The following CEP164 variants were observed in gnomAD, a reference collection of about 807,000 sequenced individuals.
CEP164 encodes centrosomal protein 164.
A neutral mutation model predicts 182.7 loss-of-function variants in CEP164; 162 were observed. The ratio of observed to expected loss-of-function variants is 0.89; its 90% CI spans 0.78 to 1.01. The LOEUF is 1.01. Ranked by LOEUF, CEP164 falls within the 50% of genes least tolerant of loss-of-function variation. The pLI, the probability that CEP164 is intolerant of heterozygous loss-of-function variation, is 0.00. For synonymous variants in CEP164, 661 were observed against 690.0 expected (o/e 0.96, Z 0.66); for missense variants, 1,735 against 1,790.4 (o/e 0.97, Z 0.56).
chr11:117,395,888 A>G (rs1291999777), intron 24 of CEP164, among the ~76,000 whole-genome samples, 166 bp downstream of exon 24: 1 of 152,050 alleles, frequency 6.6e-6, no homozygotes, highest in African/African-American at 2.4e-5. Context: ...GGTTGTTAAG[A>G]TTCTGTGAAA....
chr11:117,359,356 T>G (rs1592144634), intron 5 of CEP164: 1 of 899,198 alleles, frequency 1.1e-6, no homozygotes, highest in Non-Finnish European at 1.3e-6. Flanking sequence ...GTACGGAAGG[T>G]GTTTAGCCAG....
Position 117,409,334 on chromosome 11 carries a change from C to G in CEP164, c.3749-284C>G. 1 of 578,074 alleles carries G rather than the reference C, an allele frequency of 1.7e-6. No individual in the cohort carries two copies. Among genetic ancestry groups the G allele is most frequent in the Non-Finnish European group, 3.1e-6 (1 of 326,546 alleles). The allele number at this position is 578,074 out of a possible 1,614,324, so 35.8% of individuals were successfully genotyped here. A position where few individuals can be genotyped will look rare whatever the true frequency, so the allele number is the denominator to read the frequency against. On this transcript the variant is annotated intron_variant, in intron 29 of 32. Transcript: ENST00000278935. This position sits in a 1 kb window ranked among gnomAD's most constrained non-coding sequence, Gnocchi z 4.4. ...GGCTTTTCTCTCTCAGCTGCCCTGG[C>G]CTGTATGTGACAGAAGGGCCCTCTC...
chr11:117,356,517 A>G (rs999996331), intron 5 of CEP164: 6 of 1,289,092 alleles, frequency 4.7e-6, no homozygotes, highest in Admixed American at 2.3e-5. Context: ...CAGCAAGCCC[A>G]TTTCCAGCCA....
chr11:117,355,121 C>T (rs2040164218), intron 5 of CEP164: 1 of 1,289,722 alleles, frequency 7.8e-7, no homozygotes, highest in Non-Finnish European at 1.0e-6. Flanking sequence ...GGGTGCCCTT[C>T]CCAGAAAGCT....
chr11:117,350,427 G>T (rs1364638304), intron 4 of CEP164, among the ~76,000 whole-genome samples: 1 of 151,904 alleles, frequency 6.6e-6, no homozygotes, highest in Non-Finnish European at 1.5e-5. Context: ...CTTATTTTTT[G>T]GATTTTTGAT....
At position 117,391,149 on chromosome 11, in the gene CEP164, C is replaced by G. The variant is rs1191084435; in HGVS notation, c.2217C>G (p.Ala739=). 1 of 1,613,490 alleles carries G rather than the reference C, an allele frequency of 6.2e-7. No homozygotes were observed. Among genetic ancestry groups the G allele is most frequent in the Non-Finnish European group, 8.5e-7 (1 of 1,179,930 alleles). ...IEASEKSEQA[A]LNAAKEKALQ... is the part of the protein sequence containing the mutation. Reference sequence around the variant, plus strand: ...CTTCGGAGAAGAGCGAGCAGGCTGCCCTGAATGCTGCAAAGGAGAAGGCTC... The same window carrying G: ...CTTCGGAGAAGAGCGAGCAGGCTGCGCTGAATGCTGCAAAGGAGAAGGCTC... Residue 739 remains alanine (A), a synonymous_variant, in exon 17 of 33, where the codon GCC becomes GCG. Transcript: ENST00000278935.
intron 13 of CEP164, 39 bp from the exon 14 acceptor site, chr11:117,382,757 T>A: frequency 6.2e-7 from 1 of 1,604,588 alleles, no homozygotes; most frequent in East Asian, 2.2e-5. Context: ...CTTGCTTTCT[T>A]ACTGGCTTTA....
intron 28 of CEP164, chr11:117,408,422 G>A (rs528473518): frequency 3.4e-5 from 8 of 234,230 alleles, no homozygotes; most frequent in Admixed American, 1.0e-4. Context: ...TGAGGCTTAG[G>A]TGTAGCGGGG....
chr11:117,340,945 G>A (rs1592017179), intron 3 of CEP164, among the ~76,000 whole-genome samples: 1 of 152,290 alleles, frequency 6.6e-6, no homozygotes, highest in East Asian at 1.9e-4. Flanking sequence ...TTCTGTCTCA[G>A]ACTCCCAAGT....
At chr11:117,362,837 C>A (rs2041152092) in intron 7 of CEP164, among the ~76,000 whole-genome samples, 1 of 152,178 alleles carries the variant, frequency 6.6e-6, no homozygotes, top group South Asian at 2.1e-4. Flanking sequence ...CTCCCTCCAT[C>A]CCTGGAAACC....
At chr11:117,368,036 T>C (rs1212642107) in intron 8 of CEP164, among the ~76,000 whole-genome samples, 3 of 152,252 alleles carry the variant, frequency 2.0e-5, no homozygotes, top group African/African-American at 4.8e-5. Flanking sequence ...GACACACTTA[T>C]TCATATTTAA....
At chr11:117,383,518 C>T (rs553828512) in intron 14 of CEP164, among the ~76,000 whole-genome samples, 26 of 152,310 alleles carry the variant, frequency 1.7e-4, no homozygotes, top group African/African-American at 6.0e-4. Flanking sequence ...TGGAATTATA[C>T]AGTATACAGG....
intron 17 of CEP164, 46 bp downstream of exon 17, chr11:117,391,261 C>T: frequency 6.5e-7 from 1 of 1,546,596 alleles, no homozygotes; most frequent in Non-Finnish European, 8.8e-7. Flanking sequence ...TGTGTCTGGG[C>T]TGCCTGGGGA....
intron 19 of CEP164, 127 bp downstream of exon 19, chr11:117,392,754 A>G (rs1325617187): frequency 7.2e-7 from 1 of 1,379,694 alleles, no homozygotes; most frequent in Non-Finnish European, 9.9e-7. Flanking sequence ...TAGCATTTCT[A>G]GTTCCCTTTT....
At chr11:117,390,663 A>G (rs1419043490) in intron 15 of CEP164, 114 bp from the exon 16 acceptor site, 16 of 1,097,328 alleles carry the variant, frequency 1.5e-5, no homozygotes, top group Non-Finnish European at 1.7e-5. Flanking sequence ...AAAAAGATTT[A>G]GGAAGTTTCT....
chr11:117,351,782 A>G lies in CEP164; in HGVS notation c.195-8A>G. The stretch of plus-strand genomic sequence containing the variant: ...AGGGACTAACTTCTGAACTCTGCCC[A>G]TCCCCAGCCAGGACATCACAGGTGA... On this transcript the variant is annotated splice_polypyrimidine_tract_variant and splice_region_variant and intron_variant, in intron 4 of 32. Transcript: ENST00000278935. 1 of 1,610,074 alleles carries G rather than the reference A, an allele frequency of 6.2e-7. No homozygotes were observed. Among genetic ancestry groups the G allele is most frequent in the Non-Finnish European group, 8.5e-7 (1 of 1,179,118 alleles).
At chr11:117,407,595 A>G (rs1178015860) in intron 27 of CEP164, among the ~76,000 whole-genome samples, 5 of 151,952 alleles carry the variant, frequency 3.3e-5, no homozygotes, top group East Asian at 1.9e-4. Flanking sequence ...TGAGGCTACA[A>G]TGAGTTGTAA....
In CEP164 at chr11:117,395,709, C is replaced by T; in HGVS notation, c.3076C>T (p.Gln1026Ter). The change falls in exon 24 of 33, where the codon CAG becomes TAG. Residue 1026 changes from glutamine (Q) to a stop codon, truncating the protein, a stop_gained. Transcript: ENST00000278935. LOFTEE classifies it high-confidence loss of function. ...GCTGCAGGCTCAGAGCCAGCAACTG[C>T]AGAAACACTTCAGGTGGCGTGGGCA... ...DLLQAQSQQL[Q>*]KHFSSLEAEA... The T allele has an allele frequency of 6.2e-7, 1 of 1,611,056 alleles. No individual in the cohort carries two copies. Among genetic ancestry groups the T allele is most frequent in the Non-Finnish European group, 8.5e-7 (1 of 1,179,052 alleles).
In CEP164 at chr11:117,338,652, C is replaced by G; in HGVS notation, c.66C>G (p.Tyr22Ter). 6.2e-7 allele frequency: 1 copy of G among 1,613,572 alleles called. No homozygotes were observed. Among genetic ancestry groups the G allele is most frequent in the East Asian group, 2.2e-5 (1 of 44,886 alleles). The part of the protein sequence containing the change: ...LVLEEDYDET[Y>*]IPSEQEILEF... The stretch of plus-strand genomic sequence containing the variant: ...TGGAAGAAGATTATGATGAGACCTA[C>G]ATTCCTAGTGAGCAAGGTAACAAGT... The change falls in exon 3 of 33, where the codon TAC (tyrosine) becomes TAG (stop). Residue 22 changes from tyrosine to a stop codon, truncating the protein, a stop_gained. Transcript: ENST00000278935. LOFTEE classifies it high-confidence loss of function.
Sources: allele counts gnomAD v4.1 joint callset (sites outside exome capture counted in the v4.1 genomes callset), GRCh38; gene constraint gnomAD v4.1.1; non-coding constraint Gnocchi (gnomAD v3.1); transcripts MANE v1.5; gene names NCBI Gene and HGNC (gene_info 2026-07-23, HGNC 2026-07-21).